ARHGAP8: variants seen among roughly 807,000 people sequenced by gnomAD.
ARHGAP8 encodes the protein Rho GTPase activating protein 8.
In ARHGAP8, 62 loss-of-function variants were observed where a neutral mutation model predicts 46.1. The observed-to-expected ratio is 1.34, with a 90% CI of 1.10 to 1.66. The LOEUF (loss-of-function observed/expected upper bound fraction) is 1.66. Among genes scored for constraint, ARHGAP8 ranks in the 40% most tolerant of loss-of-function variants. The pLI is 0.00. For synonymous variants in ARHGAP8, 375 were observed against 243.1 expected (o/e 1.54, Z -5.05); for missense variants, 923 against 568.4 (o/e 1.62, Z -6.34).
intron 2 of ARHGAP8, among the ~76,000 whole-genome samples, chr22:44,793,548 A>G (rs1014146290): frequency 6.6e-6 from 1 of 152,102 alleles, no homozygotes; most frequent in African/African-American, 2.4e-5. Flanking sequence ...AACCATAGCA[A>G]ACTTGCGACT....
intron 1 of ARHGAP8, among the ~76,000 whole-genome samples, chr22:44,760,147 A>C (rs1925019544): frequency 6.6e-6 from 1 of 152,144 alleles, no homozygotes; most frequent in Non-Finnish European, 1.5e-5. Flanking sequence ...TGTATCTGCT[A>C]CCTGGACAAA....
At chr22:44,846,355 G>A (rs937101502) in intron 8 of ARHGAP8, among the ~76,000 whole-genome samples, 2 of 152,244 alleles carry the variant, frequency 1.3e-5, no homozygotes, top group South Asian at 2.1e-4. Context: ...GACAGGCGGG[G>A]CCTGGAGAGC....
intron 11 of ARHGAP8, among the ~76,000 whole-genome samples, chr22:44,860,337 G>A (rs1220858759): frequency 6.6e-6 from 1 of 152,104 alleles, no homozygotes; most frequent in African/African-American, 2.4e-5. Context: ...GTGGCGGGCT[G>A]TGCTCCTTCC....
chr22:44,767,043 G>A (rs560639170), intron 1 of ARHGAP8, among the ~76,000 whole-genome samples: 1 of 152,330 alleles, frequency 6.6e-6, no homozygotes, highest in South Asian at 2.1e-4. Flanking sequence ...ATGCAGAGCC[G>A]GGAGTTACAG....
Position 44,859,850 on chromosome 22 carries a change from G to A in ARHGAP8, c.981+16G>A, listed in dbSNP as rs574427053. 3.1e-5 allele frequency: 50 copies of A among 1,611,126 alleles called. No homozygotes were observed. The highest frequency in any genetic ancestry group is 5.3e-5 in the African/African-American group (4 of 74,976). ...CCTGCATGCGGTGAGTGGGGAAGGGGGGAGCTTGGGGTGAAGCCCAGTGGC... is the reference window on the plus strand; with the variant it reads ...CCTGCATGCGGTGAGTGGGGAAGGGAGGAGCTTGGGGTGAAGCCCAGTGGC... On this transcript the variant is annotated intron_variant, in intron 11 of 11. Transcript: ENST00000356099.
At chr22:44,802,497 G>A (rs995106674) in intron 3 of ARHGAP8, among the ~76,000 whole-genome samples, 12 of 152,148 alleles carry the variant, frequency 7.9e-5, no homozygotes, top group South Asian at 2.1e-4. Context: ...GCTGCCGAGC[G>A]CCAGGCCTCC....
intron 2 of ARHGAP8, among the ~76,000 whole-genome samples, chr22:44,787,336 T>C (rs150517806): frequency 2.3e-5 from 1 of 42,686 alleles, no homozygotes; most frequent in East Asian, 2.8e-4. Flanking sequence ...TTTTGTTTTG[T>C]TTTGTTTTGT....
chr22:44,781,071 G>A (rs563462464), intron 1 of ARHGAP8, among the ~76,000 whole-genome samples: 2 of 152,292 alleles, frequency 1.3e-5, no homozygotes, highest in South Asian at 4.2e-4. Flanking sequence ...TCACTATCAT[G>A]TGCGCTGCCG....
At chr22:44,757,407 A>T (rs1766245088) in intron 1 of ARHGAP8, among the ~76,000 whole-genome samples, 1 of 151,832 alleles carries the variant, frequency 6.6e-6, no homozygotes, top group Non-Finnish European at 1.5e-5. Context: ...CCTCCCAAGT[A>T]GCTGAAATTA....
At chr22:44,801,742 C>G in intron 2 of ARHGAP8, 1 of 293,222 alleles carries the variant, frequency 3.4e-6, no homozygotes, top group Non-Finnish European at 6.4e-6. Flanking sequence ...TGGCTACACC[C>G]TGCCTTTGAA....
intron 10 of ARHGAP8, among the ~76,000 whole-genome samples, chr22:44,855,336 A>C (rs375234982): frequency 1.3e-5 from 2 of 151,848 alleles, no homozygotes; most frequent in Non-Finnish European, 2.9e-5. Flanking sequence ...TAATTTTTAA[A>C]TATTTTTTTG....
intron 5 of ARHGAP8, among the ~76,000 whole-genome samples, chr22:44,818,083 C>T (rs185446287): frequency 2.6e-5 from 4 of 152,280 alleles, no homozygotes; most frequent in Admixed American, 2.6e-4. Flanking sequence ...CACTGCACTC[C>T]AGCCTGGGCG....
rs968860653 is a variant in ARHGAP8 at position 44,849,178 on chromosome 22, G to A, written c.877+118G>A. 8.4e-6 allele frequency: 13 copies of A among 1,542,820 alleles called. No homozygotes were observed. In the Admixed American group the frequency reaches 2.0e-4, roughly 24 times the overall value. ...GGTGACGTGTACCCACCCTCCTCCT[G>A]TTGCCATCTGGCACTGCAGGGCAAG... On this transcript the variant is annotated intron_variant, in intron 10 of 11. Transcript: ENST00000356099.
At chr22:44,758,014 T>C (rs1924822908) in intron 1 of ARHGAP8, among the ~76,000 whole-genome samples, 1 of 152,090 alleles carries the variant, frequency 6.6e-6, no homozygotes, top group African/African-American at 2.4e-5. Context: ...GGGGGATCCC[T>C]GGATGGGGTC....
intron 1 of ARHGAP8, among the ~76,000 whole-genome samples, chr22:44,757,944 C>T (rs137896628): frequency 1.3e-4 from 20 of 152,206 alleles, no homozygotes; most frequent in East Asian, 5.8e-4. Context: ...CATGACCCAC[C>T]GCCCCCAGGC....
intron 1 of ARHGAP8, among the ~76,000 whole-genome samples, chr22:44,769,748 C>A (rs931867408): frequency 5.9e-5 from 9 of 152,170 alleles, no homozygotes; most frequent in Non-Finnish European, 7.3e-5. Context: ...CTGCCTGCTA[C>A]ACAGAAAACC....
intron 10 of ARHGAP8, among the ~76,000 whole-genome samples, chr22:44,852,547 C>G (rs2070123633): frequency 6.6e-6 from 1 of 152,196 alleles, no homozygotes; most frequent in Non-Finnish European, 1.5e-5. Flanking sequence ...CCATCTGGAA[C>G]TTTCCCCAGG....
At chr22:44,801,803 G>T in intron 2 of ARHGAP8, 1 of 499,190 alleles carries the variant, frequency 2.0e-6, no homozygotes, top group Non-Finnish European at 3.6e-6. Flanking sequence ...AGCTGGCTCT[G>T]CACTGATGAC....
At chr22:44,854,359 C>G (rs990758000) in intron 10 of ARHGAP8, among the ~76,000 whole-genome samples, 3 of 151,182 alleles carry the variant, frequency 2.0e-5, no homozygotes, top group African/African-American at 7.3e-5. Context: ...GCCTCAGCCT[C>G]CGGAGTAGCT....
Sources: gnomAD v4.1 joint callset for allele counts (sites outside exome capture counted in the v4.1 genomes callset) on GRCh38, gnomAD v4.1.1 for gene constraint, MANE v1.5 for transcripts, NCBI Gene and HGNC (gene_info 2026-07-23, HGNC 2026-07-21) for gene names.